Variants in B3GALT1 observed in about 807,000 individuals in gnomAD.
B3GALT1 encodes the protein UDP-Gal:betaGlcNAc beta 1,3-galactosyltransferase, polypeptide 1.
In B3GALT1, 10 loss-of-function variants were observed where a neutral mutation model predicts 23.2. The ratio of observed to expected loss-of-function variants is 0.43; its 90% CI spans 0.27 to 0.73. The LOEUF is 0.73. Among genes scored for constraint, B3GALT1 ranks in the 30% least tolerant of loss-of-function variants. The pLI, the probability that B3GALT1 is intolerant of heterozygous loss-of-function variation, is 0.21. For missense variants in B3GALT1, 299 were observed against 405.4 expected (o/e 0.74, Z 2.25); for synonymous variants, 156 against 141.5 (o/e 1.10, Z -0.73).
chr2:167,456,315 T>A (rs970400811), intron 1 of B3GALT1, among the ~76,000 whole-genome samples: 3 of 152,152 alleles, frequency 2.0e-5, no homozygotes, highest in Non-Finnish European at 4.4e-5. Context: ...ATCACTAAGG[T>A]GATGGAGCTA....
chr2:167,725,703 G>A (rs948089706), intron 3 of B3GALT1, among the ~76,000 whole-genome samples: 1 of 151,990 alleles, frequency 6.6e-6, no homozygotes, highest in Non-Finnish European at 1.5e-5. Context: ...AAATATACCC[G>A]AAAACCCTCT....
chr2:167,676,828 C>T (rs527616609), intron 3 of B3GALT1, among the ~76,000 whole-genome samples: 11 of 152,198 alleles, frequency 7.2e-5, no homozygotes, highest in South Asian at 2.1e-4. Flanking sequence ...TGAGCCACCG[C>T]GCCTGGCCCC....
At chr2:167,521,693 A>G (rs1282452909) in intron 2 of B3GALT1, among the ~76,000 whole-genome samples, 1 of 151,976 alleles carries the variant, frequency 6.6e-6, no homozygotes, top group African/African-American at 2.4e-5. Flanking sequence ...TTTTGCTACT[A>G]TCACAATACA....
chr2:167,701,272 G>C (rs542044283), intron 3 of B3GALT1, among the ~76,000 whole-genome samples: 158 of 152,120 alleles, frequency 1.0e-3, no homozygotes, highest in African/African-American at 3.5e-3. Context: ...GCTTTCTTAT[G>C]GGGGGAGGAG....
chr2:167,444,871 T>A (rs1400027182), intron 1 of B3GALT1, among the ~76,000 whole-genome samples: 1 of 152,230 alleles, frequency 6.6e-6, no homozygotes. Flanking sequence ...CTCCTTCAGT[T>A]CTGCTCTGAT....
intron 2 of B3GALT1, among the ~76,000 whole-genome samples, chr2:167,605,833 A>G (rs561752020): frequency 9.2e-5 from 14 of 152,312 alleles, no homozygotes; most frequent in African/African-American, 2.4e-4. Context: ...CAGTTTGTCA[A>G]TTAAGAAACT....
At chr2:167,514,381 T>A (rs899564168) in intron 2 of B3GALT1, among the ~76,000 whole-genome samples, 7 of 152,170 alleles carry the variant, frequency 4.6e-5, no homozygotes, top group African/African-American at 1.7e-4. Context: ...TAAAATGACA[T>A]TAATTTTTGA....
intron 2 of B3GALT1, among the ~76,000 whole-genome samples, chr2:167,584,279 C>A (rs1684545128): frequency 6.6e-6 from 1 of 152,030 alleles, no homozygotes; most frequent in Non-Finnish European, 1.5e-5. Flanking sequence ...CCAAGATTTC[C>A]AGGTAAAAGG....
At chr2:167,454,029 GCT>G (rs140213203) in intron 1 of B3GALT1, among the ~76,000 whole-genome samples, 2,649 of 152,234 alleles carry the variant, frequency 0.017, 82 homozygotes, top group African/African-American at 0.061. Context: ...CATATTTAAA[GCT>G]CTCTGATTTT....
At chr2:167,763,968 T>C (rs1687936352) in intron 3 of B3GALT1, among the ~76,000 whole-genome samples, 1 of 152,158 alleles carries the variant, frequency 6.6e-6, no homozygotes. Context: ...GTATAGTTGA[T>C]GCTTTTGGAA....
intron 1 of B3GALT1, among the ~76,000 whole-genome samples, chr2:167,359,904 C>T (rs1043464572): frequency 6.6e-6 from 1 of 151,966 alleles, no homozygotes; most frequent in Non-Finnish European, 1.5e-5. Flanking sequence ...AAATAAAGCC[C>T]CACATTTTGA....
intron 3 of B3GALT1, among the ~76,000 whole-genome samples, chr2:167,746,964 T>G (rs1448737138): frequency 6.6e-6 from 1 of 152,218 alleles, no homozygotes; most frequent in Non-Finnish European, 1.5e-5. Context: ...GAGATAATTC[T>G]TTTGTGCCCT....
intron 1 of B3GALT1, among the ~76,000 whole-genome samples, chr2:167,466,974 T>G (rs1183353562): frequency 5.3e-5 from 8 of 150,536 alleles, no homozygotes; most frequent in Non-Finnish European, 7.4e-5. Context: ...GCAATCTGCC[T>G]GCCTCAGCCT....
intron 1 of B3GALT1, among the ~76,000 whole-genome samples, chr2:167,469,969 G>A (rs1160069813): frequency 6.6e-6 from 1 of 152,056 alleles, no homozygotes; most frequent in Non-Finnish European, 1.5e-5. Context: ...TTCCCACAAT[G>A]TTGATTCTCA....
intron 1 of B3GALT1, among the ~76,000 whole-genome samples, chr2:167,300,276 T>C (rs1210384055): frequency 2.0e-5 from 3 of 152,200 alleles, no homozygotes; most frequent in African/African-American, 7.2e-5. Flanking sequence ...TTTTATGTCA[T>C]TGTAAGCCAG....
chr2:167,820,977 C>T (rs1229140592), intron 4 of B3GALT1, among the ~76,000 whole-genome samples: 1 of 152,176 alleles, frequency 6.6e-6, no homozygotes, highest in Non-Finnish European at 1.5e-5. Context: ...CATATTTTAT[C>T]TCTGCCTCTG....
chr2:167,620,155 G>A (rs1685230453), intron 2 of B3GALT1, among the ~76,000 whole-genome samples: 1 of 152,080 alleles, frequency 6.6e-6, no homozygotes, highest in Admixed American at 6.6e-5. Context: ...ATGTGTGTAG[G>A]AGAGAAAGAG....
chr2:167,472,885 A>G (rs1699436939), intron 1 of B3GALT1, among the ~76,000 whole-genome samples: 1 of 152,254 alleles, frequency 6.6e-6, no homozygotes, highest in East Asian at 1.9e-4. Context: ...ACAAATTATC[A>G]TATACATGTG....
intron 2 of B3GALT1, among the ~76,000 whole-genome samples, chr2:167,520,155 C>T (rs1700167195): frequency 1.3e-5 from 2 of 151,908 alleles, no homozygotes; most frequent in Admixed American, 6.6e-5. Flanking sequence ...AAAATATAAA[C>T]TTTATTTCTC....
Sources: allele counts gnomAD v4.1 joint callset (sites outside exome capture counted in the v4.1 genomes callset), GRCh38; gene constraint gnomAD v4.1.1; transcripts MANE v1.5; gene names NCBI Gene and HGNC (gene_info 2026-07-23, HGNC 2026-07-21).